BCKDHB: variants seen among roughly 807,000 people sequenced by gnomAD.
The protein encoded by BCKDHB is 2-oxoisovalerate dehydrogenase subunit beta, mitochondrial.
Under a neutral mutation model 48.5 loss-of-function variants are expected in BCKDHB, and 41 were observed. The ratio of observed to expected loss-of-function variants is 0.85; its 90% CI spans 0.66 to 1.10. The LOEUF is 1.10. BCKDHB is among the 50% of genes least tolerant of loss of function. The probability of loss-of-function intolerance (pLI) is 0.00; values close to 1 mark genes in which losing one functional copy is unlikely to be tolerated. For missense variants in BCKDHB, 496 were observed against 494.2 expected, an observed-to-expected ratio of 1.00 and a Z score of -0.03; for synonymous variants, 201 against 174.8, an observed-to-expected ratio of 1.15 and a Z score of -1.18.
intron 9 of BCKDHB, among the ~76,000 whole-genome samples, chr6:80,289,118 C>A (rs1447913632): frequency 6.6e-6 from 1 of 152,126 alleles, no homozygotes; most frequent in Non-Finnish European, 1.5e-5. Context: ...AGAACTTACT[C>A]ATATATTTCC....
chr6:80,236,510 G>T (rs949241695), intron 8 of BCKDHB, among the ~76,000 whole-genome samples: 2 of 152,172 alleles, frequency 1.3e-5, no homozygotes, highest in African/African-American at 4.8e-5. Context: ...GGTTTCTGAG[G>T]CTGTCTATTG....
intron 9 of BCKDHB, among the ~76,000 whole-genome samples, chr6:80,324,373 G>A (rs1451200074): frequency 1.3e-5 from 2 of 152,168 alleles, no homozygotes; most frequent in Non-Finnish European, 2.9e-5. Context: ...ATAGGACAGT[G>A]TTGTATGGCC....
chr6:80,462,290 A>G, the BCKDHB span, among the ~76,000 whole-genome samples: 4 of 152,182 alleles, frequency 2.6e-5, no homozygotes, highest in African/African-American at 9.7e-5. Context: ...GGCATGAGCT[A>G]TATCTTTTCA....
At chr6:80,397,491 A>G in the BCKDHB span, among the ~76,000 whole-genome samples, 1 of 152,220 alleles carries the variant, frequency 6.6e-6, no homozygotes, top group African/African-American at 2.4e-5. Flanking sequence ...TCAATCCACC[A>G]TAAAGTCATA....
At chr6:80,435,665 G>A in the BCKDHB span, among the ~76,000 whole-genome samples, 1 of 152,078 alleles carries the variant, frequency 6.6e-6, no homozygotes. Context: ...TTAAACCTGG[G>A]CTGACACTGT....
chr6:80,304,777 T>TAA (rs958244472), intron 9 of BCKDHB, among the ~76,000 whole-genome samples: 3 of 152,140 alleles, frequency 2.0e-5, no homozygotes, highest in Non-Finnish European at 4.4e-5. Context: ...GACATTGTAT[T>TAA]AATATAATTT....
intron 9 of BCKDHB, among the ~76,000 whole-genome samples, chr6:80,281,509 G>A (rs769238831): frequency 1.3e-5 from 2 of 152,188 alleles, no homozygotes; most frequent in African/African-American, 2.4e-5. Flanking sequence ...AAACAGAAGG[G>A]TGGCCAGGAA....
At chr6:80,196,725 G>A (rs1202955962) in intron 6 of BCKDHB, among the ~76,000 whole-genome samples, 1 of 152,060 alleles carries the variant, frequency 6.6e-6, no homozygotes, top group African/African-American at 2.4e-5. Context: ...GAAGAAAACT[G>A]GGAGAAAAAA....
At chr6:80,364,404 G>A in the BCKDHB span, among the ~76,000 whole-genome samples, 3 of 152,318 alleles carry the variant, frequency 2.0e-5, no homozygotes, top group Non-Finnish European at 2.9e-5. Flanking sequence ...TTGGCCGGGA[G>A]GGAGAGGGAG....
intron 9 of BCKDHB, among the ~76,000 whole-genome samples, chr6:80,281,044 G>GTA (rs1208797187): frequency 6.7e-6 from 1 of 149,352 alleles, no homozygotes; most frequent in Non-Finnish European, 1.5e-5. Context: ...GTGTGTGTGT[G>GTA]TGTGTATAAG....
intron 9 of BCKDHB, among the ~76,000 whole-genome samples, chr6:80,294,200 TGAA>T (rs1232588211): frequency 6.6e-6 from 1 of 152,208 alleles, no homozygotes; most frequent in Non-Finnish European, 1.5e-5. Context: ...ACATAAATTG[TGAA>T]GATTTCATGG....
chr6:80,162,997 AC>A (rs1772394782), intron 3 of BCKDHB, among the ~76,000 whole-genome samples: 1 of 151,154 alleles, frequency 6.6e-6, no homozygotes, highest in East Asian at 2.0e-4. Flanking sequence ...ATCTCAGCTC[AC>A]TGCAGCCTTG....
At chr6:80,131,235 G>A (rs1307391582) in intron 3 of BCKDHB, among the ~76,000 whole-genome samples, 5 of 152,130 alleles carry the variant, frequency 3.3e-5, no homozygotes, top group African/African-American at 1.2e-4. Flanking sequence ...AGTTTCTACT[G>A]CACATCTTCA....
At position 80,149,693 on chromosome 6, in the gene BCKDHB, T is replaced by C. The variant is rs563429988; in HGVS notation, c.344-17985T>C. On this transcript the variant is annotated intron_variant, in intron 3 of 9. Coordinates refer to ENST00000320393, the MANE Select transcript of BCKDHB (RefSeq NM_183050.4). ...GTCCTTTGTAGGGACATGGATGAAA[T>C]TGGAAATCATCATTCTCAGTAAACT... is the stretch of plus-strand genomic sequence containing the variant. Among the ~76,000 whole-genome samples, 12 of 150,574 alleles carry C rather than the reference T, an allele frequency of 8.0e-5. No individual in the cohort carries two copies. The South Asian group carries it at 1.3e-3, about 16-fold the overall frequency.
In BCKDHB at chr6:80,311,930, G is replaced by C. The variant is rs563987476; in HGVS notation, c.1039-31734G>C. 5.9e-5 allele frequency among the ~76,000 whole-genome samples: 9 copies of C among 152,240 alleles called. No individual in the cohort carries two copies. The East Asian group carries it at 1.7e-3, about 29-fold the overall frequency. ...TTTGGGCTCTTTTCAGGTTTCATATGAATTTCAAAATAGTATTTTCTAATT... is the reference window on the plus strand; with the variant it reads ...TTTGGGCTCTTTTCAGGTTTCATATCAATTTCAAAATAGTATTTTCTAATT... On this transcript the variant is annotated intron_variant, in intron 9 of 9. Coordinates refer to ENST00000320393, the MANE Select transcript of BCKDHB (RefSeq NM_183050.4).
chr6:80,387,147 G>T, the BCKDHB span, among the ~76,000 whole-genome samples: 1 of 152,170 alleles, frequency 6.6e-6, no homozygotes, highest in African/African-American at 2.4e-5. Context: ...GCTTATGGAG[G>T]TCAGGTAATT....
At chr6:80,279,284 G>C (rs1177416387) in intron 9 of BCKDHB, among the ~76,000 whole-genome samples, 1 of 151,976 alleles carries the variant, frequency 6.6e-6, no homozygotes, top group Non-Finnish European at 1.5e-5. Flanking sequence ...CTCCCAAGTA[G>C]CTGTAATTAC....
chr6:80,447,730 A>T, the BCKDHB span, among the ~76,000 whole-genome samples: 7 of 152,248 alleles, frequency 4.6e-5, 1 homozygote, highest in Admixed American at 4.6e-4. Context: ...GAGTGGGGGA[A>T]GTCTGACTTC....
chr6:80,109,795 G>C (rs1278708731), intron 1 of BCKDHB, among the ~76,000 whole-genome samples: 1 of 152,120 alleles, frequency 6.6e-6, no homozygotes, highest in Non-Finnish European at 1.5e-5. Flanking sequence ...TTAGACATCA[G>C]TTTATAATCC....
Sources: gnomAD v4.1 joint callset for allele counts (sites outside exome capture counted in the v4.1 genomes callset) on GRCh38, gnomAD v4.1.1 for gene constraint, MANE v1.5 for transcripts, NCBI Gene and HGNC (gene_info 2026-07-23, HGNC 2026-07-21) for gene names.